Variants in HROB observed in about 807,000 individuals in gnomAD.
HROB encodes the protein homologous recombination OB-fold protein.
A neutral mutation model predicts 61.0 loss-of-function variants in HROB; 44 were observed. The observed-to-expected ratio is 0.72, with a 90% confidence interval of 0.57 to 0.93. The LOEUF (loss-of-function observed/expected upper bound fraction) is 0.93. Ranked by LOEUF, HROB falls within the 40% of genes least tolerant of loss-of-function variation. HROB has a pLI of 0.00. For synonymous variants in HROB, 301 were observed against 310.4 expected (o/e 0.97, Z 0.32); for missense variants, 716 against 796.2 (o/e 0.90, Z 1.21).
chr17:44,161,885 C>T lies in HROB; in HGVS notation c.1894C>T (p.Leu632Phe). 1 of 1,614,176 alleles carries T rather than the reference C, an allele frequency of 6.2e-7. No individual in the cohort carries two copies. The highest frequency in any genetic ancestry group is 8.5e-7 in the Non-Finnish European group (1 of 1,179,998). The change falls in exon 10 of 10, where the codon CTC becomes TTC. Residue 632 changes from leucine (L) to phenylalanine (F), a missense_variant. By Grantham distance (22) the Leu-to-Phe change is conservative. Transcript: ENST00000585683. Reference sequence around the variant, plus strand: ...CCTCTCTGTAGATGACCTGGATGGACTCCTGAGTGAGCTTCCTGAAGACTT... The same window carrying T: ...CCTCTCTGTAGATGACCTGGATGGATTCCTGAGTGAGCTTCCTGAAGACTT... Reference protein sequence around the residue: ...ELPEADDLDGLLSELPEDFFC... With the variant: ...ELPEADDLDGFLSELPEDFFC...
At chr17:44,157,975 G>A (rs749829327) in intron 9 of HROB, 34 bp downstream of exon 9, 2 of 1,517,628 alleles carry the variant, frequency 1.3e-6, no homozygotes, top group African/African-American at 2.8e-5. Flanking sequence ...AGCAAGAGAG[G>A]TTCTATTTCC....
In HROB at chr17:44,148,497, C is replaced by G. The variant is rs758769585; in HGVS notation, c.694C>G (p.Pro232Ala). ...GTCCGCCCAGGATGAGTCTCTAGAT[C>G]CTGTCATCCAATGTAGGACTCCACG... ...IMSAQDESLDPVIQCRTPRPP... is the reference protein window; with the variant it reads ...IMSAQDESLDAVIQCRTPRPP... Residue 232 changes from proline (P) to alanine (A), a missense_variant, in exon 3 of 10, where the codon CCT becomes GCT. Physicochemically the swap from Pro to Ala is conservative, Grantham distance 27. Transcript: ENST00000585683. 6.2e-7 allele frequency: 1 copy of G among 1,614,030 alleles called. No individual in the cohort carries two copies. Among genetic ancestry groups the G allele is most frequent in the African/African-American group, 1.3e-5 (1 of 74,908 alleles).
rs570701824 is a variant in HROB at position 44,160,835 on chromosome 17, A to C, written c.1880-1036A>C. 2.0e-5 allele frequency among the ~76,000 whole-genome samples: 3 copies of C among 152,254 alleles called. No individual in the cohort carries two copies. In the East Asian group the frequency reaches 5.8e-4, roughly 29 times the overall value. On this transcript the variant is annotated intron_variant, in intron 9 of 9. Coordinates refer to ENST00000585683, the MANE Select transcript of HROB (RefSeq NM_001171251.3). Reference sequence around the variant, plus strand: ...AATCTTGCATTGCCTGGAAGCCTGCACTCTTTCTTTGTGAGACAAGCCAAG... The same window carrying C: ...AATCTTGCATTGCCTGGAAGCCTGCCCTCTTTCTTTGTGAGACAAGCCAAG...
In HROB at chr17:44,154,556, G is replaced by A. The variant is rs781150557; in HGVS notation, c.1450G>A (p.Ala484Thr). 3 of 1,614,096 alleles carry A rather than the reference G, an allele frequency of 1.9e-6. No individual in the cohort carries two copies. Among genetic ancestry groups the A allele is most frequent in the Non-Finnish European group, 1.7e-6 (2 of 1,180,000 alleles). ...AGCATATGCCTCTCCTTGTAAGCAG[G>A]CAGCCCTGAAGCAGCTTCCTAGGAA... is the stretch of plus-strand genomic sequence containing the variant. The part of the protein sequence containing the change: ...TYSIVMVLRK[A>T]ALKQLPRNKV... Residue 484 changes from alanine (A) to threonine (T), a missense_variant and splice_region_variant, in exon 6 of 10, where the codon GCA (alanine) becomes ACA (threonine). By Grantham distance (58) the Ala-to-Thr change is moderately conservative. Transcript: ENST00000585683.
chr17:44,148,903 T>C lies in HROB; in HGVS notation c.1100T>C (p.Ile367Thr). The C allele has an allele frequency of 6.2e-7, 1 of 1,614,108 alleles. No homozygotes were observed. Among genetic ancestry groups the C allele is most frequent in the Non-Finnish European group, 8.5e-7 (1 of 1,180,004 alleles). ...CCCCAGGGAGCTCTGCAGACACCCA[T>C]AGTCACCAACCACCTGGTGCAGCTA... is the stretch of plus-strand genomic sequence containing the variant. ...KGPQGALQTPIVTNHLVQLVT... is the reference protein window; with the variant it reads ...KGPQGALQTPTVTNHLVQLVT... Residue 367 changes from isoleucine to threonine, a missense_variant, in exon 3 of 10, where the codon ATA becomes ACA. Transcript: ENST00000585683.
intron 3 of HROB, among the ~76,000 whole-genome samples, chr17:44,150,391 T>TC (rs1567716855): frequency 1.7e-5 from 2 of 120,310 alleles, no homozygotes; most frequent in Admixed American, 8.2e-5. Context: ...TTTCTTTCTT[T>TC]CTTTTTTTTT....
chr17:44,148,233 C>G lies in HROB; in HGVS notation c.430C>G (p.Gln144Glu). 1 of 1,614,212 alleles carries G rather than the reference C, an allele frequency of 6.2e-7. No individual in the cohort carries two copies. The highest frequency in any genetic ancestry group is 8.5e-7 in the Non-Finnish European group (1 of 1,180,026). ...LHPLLTFESQQQQVGGFEGPE... is the reference protein window; with the variant it reads ...LHPLLTFESQEQQVGGFEGPE... ...CCCCCTACTCACCTTTGAGAGCCAA[C>G]AGCAGCAAGTTGGTGGCTTTGAGGG... The change falls in exon 3 of 10, where the codon CAG becomes GAG. Residue 144 changes from glutamine to glutamate, a missense_variant. Gln to Glu is a conservative substitution (Grantham distance 29). Transcript: ENST00000585683.
chr17:44,152,617 C>T lies in HROB; in HGVS notation c.1309-20C>T. On this transcript the variant is annotated intron_variant, in intron 4 of 9. Coordinates refer to ENST00000585683, the MANE Select transcript of HROB (RefSeq NM_001171251.3). Reference sequence around the variant, plus strand: ...GGTAGACCTATTCATACAGGCTCCCCCTCTGCTCTGTGGTACCAGATTGTT... The same window carrying T: ...GGTAGACCTATTCATACAGGCTCCCTCTCTGCTCTGTGGTACCAGATTGTT... 1.2e-6 allele frequency: 2 copies of T among 1,613,054 alleles called. No homozygotes were observed. Among genetic ancestry groups the T allele is most frequent in the South Asian group, 2.2e-5 (2 of 90,934 alleles).
At position 44,148,522 on chromosome 17, in the gene HROB, G is replaced by C. The variant is rs1185919583; in HGVS notation, c.719G>C (p.Arg240Pro). ...LDPVIQCRTP[R>P]PPLRPGAVGH... The stretch of plus-strand genomic sequence containing the variant: ...CCTGTCATCCAATGTAGGACTCCAC[G>C]ACCCCCCTTGAGACCTGGTGCTGTG... Residue 240 changes from arginine to proline, a missense_variant, in exon 3 of 10, where the codon CGA becomes CCA. Coordinates refer to ENST00000585683, the MANE Select transcript of HROB (RefSeq NM_001171251.3). 6.2e-7 allele frequency: 1 copy of C among 1,614,040 alleles called. No homozygotes were observed. The highest frequency in any genetic ancestry group is 1.7e-5 in the Admixed American group (1 of 59,996).
At chr17:44,142,547 A>G (rs2053483233) in intron 1 of HROB, among the ~76,000 whole-genome samples, 1 of 150,106 alleles carries the variant, frequency 6.7e-6, no homozygotes, top group South Asian at 2.1e-4. Context: ...GCTCACTGCA[A>G]CCGTCGTCTC....
intron 9 of HROB, 139 bp from the exon 10 acceptor site, chr17:44,161,732 G>T: frequency 1.2e-6 from 1 of 833,294 alleles, no homozygotes; most frequent in East Asian, 2.5e-5. Context: ...CCATTGGCAT[G>T]GGTACCACTG....
chr17:44,161,733 G>A (rs2054146321), intron 9 of HROB, 138 bp from the exon 10 acceptor site: 1 of 843,416 alleles, frequency 1.2e-6, no homozygotes, highest in Non-Finnish European at 2.0e-6. Flanking sequence ...CATTGGCATG[G>A]GTACCACTGC....
intron 3 of HROB, 78 bp downstream of exon 3, chr17:44,149,105 C>T (rs548769282): frequency 7.3e-7 from 1 of 1,373,240 alleles, no homozygotes; most frequent in Non-Finnish European, 9.9e-7. Flanking sequence ...CCTAGCATAT[C>T]TTCCCTCTTG....
At chr17:44,147,593 A>C (rs563527162) in intron 2 of HROB, among the ~76,000 whole-genome samples, 1 of 151,294 alleles carries the variant, frequency 6.6e-6, no homozygotes, top group South Asian at 2.1e-4. Context: ...GTGCACCCCC[A>C]TGCCCAGCTA....
intron 9 of HROB, among the ~76,000 whole-genome samples, chr17:44,158,943 G>A (rs1290441687): frequency 2.6e-5 from 4 of 151,668 alleles, no homozygotes; most frequent in Admixed American, 6.6e-5. Context: ...CACCGCGCCC[G>A]GCCATGCCCA....
chr17:44,151,050 T>G lies in HROB; in HGVS notation c.1308+6T>G. Reference sequence around the variant, plus strand: ...TGGCTAAATTCCAGACAGAGGTAACTTATGCAAATGTTAACTTTCTGGGTG... The same window carrying G: ...TGGCTAAATTCCAGACAGAGGTAACGTATGCAAATGTTAACTTTCTGGGTG... On this transcript the variant is annotated splice_donor_region_variant and intron_variant, in intron 4 of 9. Transcript: ENST00000585683. 6.2e-7 allele frequency: 1 copy of G among 1,607,430 alleles called. No individual in the cohort carries two copies. The highest frequency in any genetic ancestry group is 8.5e-7 in the Non-Finnish European group (1 of 1,174,460).
rs946535500 is a variant in HROB at position 44,142,134 on chromosome 17, G to A, written c.-9G>A. The A allele has an allele frequency of 1.9e-5, 29 of 1,528,764 alleles. No homozygotes were observed. The highest frequency in any genetic ancestry group is 1.2e-4 in the African/African-American group (9 of 72,038). 94.7% of individuals were successfully genotyped at this position (1,528,764 alleles called of 1,614,324 possible). ...CCAACCTCCCCGCCGAGGCCCACCC[G>A]CCGTCGCTATGGTAATGCCGCGCCC... On this transcript the variant is annotated 5_prime_UTR_variant, in exon 1 of 10. Coordinates refer to ENST00000585683, the MANE Select transcript of HROB (RefSeq NM_001171251.3).
chr17:44,159,650 T>G (rs940598446), intron 9 of HROB, among the ~76,000 whole-genome samples: 7 of 152,356 alleles, frequency 4.6e-5, no homozygotes, highest in African/African-American at 1.7e-4. Context: ...CTCAAAAGAT[T>G]GATAAAGTCA....
Position 44,148,961 on chromosome 17 carries a change from C to T in HROB, c.1158C>T (p.Pro386=), listed in dbSNP as rs763012183. Residue 386 remains proline (P), a synonymous_variant, in exon 3 of 10, where the codon CCC becomes CCT. Transcript: ENST00000585683. ...CTGCCAGCCGGACACCCCAGCAGCCCACCCATCCCTCCACCCGAGCCAAAA... is the reference window on the plus strand; with the variant it reads ...CTGCCAGCCGGACACCCCAGCAGCCTACCCATCCCTCCACCCGAGCCAAAA... ...VTAASRTPQQ[P]THPSTRAKTR... 3 of 1,614,020 alleles carry T rather than the reference C, an allele frequency of 1.9e-6. No homozygotes were observed. The highest frequency in any genetic ancestry group is 2.5e-6 in the Non-Finnish European group (3 of 1,180,000).
Sources: gnomAD v4.1 joint callset for allele counts (sites outside exome capture counted in the v4.1 genomes callset) on GRCh38, gnomAD v4.1.1 for gene constraint, MANE v1.5 for transcripts, NCBI Gene and HGNC (gene_info 2026-07-23, HGNC 2026-07-21) for gene names.